The following ADAMTSL3 variants were observed in gnomAD, a reference collection of about 807,000 sequenced individuals.
ADAMTSL3 encodes the protein ADAMTS like 3.
ADAMTSL3 carries 128 observed loss-of-function variants against 201.7 expected under a neutral mutation model. That is an observed-to-expected ratio of 0.63 (90% CI 0.55 to 0.73). The LOEUF is 0.73. Among genes scored for constraint, ADAMTSL3 ranks in the 30% least tolerant of loss-of-function variants. ADAMTSL3 has a pLI of 0.00. For synonymous variants in ADAMTSL3, 738 were observed against 748.4 expected (o/e 0.99, Z 0.23); for missense variants, 1,990 against 2,119.6 (o/e 0.94, Z 1.20).
intron 16 of ADAMTSL3, among the ~76,000 whole-genome samples, chr15:83,914,613 C>A (rs1044785356): frequency 1.3e-5 from 2 of 152,180 alleles, no homozygotes; most frequent in African/African-American, 4.8e-5. Context: ...GACTCTTTCT[C>A]CCCTTACTTG....
rs1326250173 is a variant in ADAMTSL3, at chr15:83,982,617, G to A, written c.2989G>A (p.Gly997Ser). 1 of 1,614,170 alleles carries A rather than the reference G, an allele frequency of 6.2e-7. No individual in the cohort carries two copies. Among genetic ancestry groups the A allele is most frequent in the African/African-American group, 1.3e-5 (1 of 75,042 alleles). ...GGAAACAGTTGTGCTCAAGCTCATT[G>A]GTACTGACAACCGGCTCATCGCACG... ...AQETVVLKLI[G>S]TDNRLIARPA... The change falls in exon 21 of 30, where the codon GGT (glycine) becomes AGT (serine). Residue 997 changes from glycine to serine, a missense_variant. Physicochemically the swap from Gly to Ser is moderately conservative, Grantham distance 56. Coordinates refer to ENST00000286744, the MANE Select transcript of ADAMTSL3 (RefSeq NM_207517.3).
At chr15:83,719,410 T>C (rs1311306182) in intron 3 of ADAMTSL3, among the ~76,000 whole-genome samples, 2 of 152,186 alleles carry the variant, frequency 1.3e-5, no homozygotes, top group Non-Finnish European at 2.9e-5. Flanking sequence ...ATTTGGATCT[T>C]TATGTAAATG....
intron 17 of ADAMTSL3, among the ~76,000 whole-genome samples, chr15:83,932,566 A>C (rs2066380246): frequency 6.6e-6 from 1 of 152,230 alleles, no homozygotes; most frequent in South Asian, 2.1e-4. Context: ...GATTGCAAGG[A>C]GAACTATCTG....
At chr15:83,774,957 C>A (rs989740230) in intron 4 of ADAMTSL3, among the ~76,000 whole-genome samples, 1 of 151,618 alleles carries the variant, frequency 6.6e-6, no homozygotes, top group African/African-American at 2.4e-5. Flanking sequence ...CACAATTCTT[C>A]TGCCTCAGCC....
chr15:84,023,484 T>C (rs10163186), intron 26 of ADAMTSL3, among the ~76,000 whole-genome samples: 126,624 of 152,062 alleles, frequency 0.83, 53,074 homozygotes, highest in East Asian at 0.96. Context: ...CTTAGGAGGG[T>C]TATCAATATT....
At chr15:83,677,124 G>T (rs1457784744) in intron 2 of ADAMTSL3, among the ~76,000 whole-genome samples, 1 of 152,122 alleles carries the variant, frequency 6.6e-6, no homozygotes, top group South Asian at 2.1e-4. Flanking sequence ...ATTCCATTGT[G>T]GTCAAATAAT....
chr15:84,030,477 A>C (rs1389502366), intron 27 of ADAMTSL3, among the ~76,000 whole-genome samples: 1 of 152,140 alleles, frequency 6.6e-6, no homozygotes, highest in Non-Finnish European at 1.5e-5. Context: ...TAGTCCCATT[A>C]TTTTGGCCAA....
At chr15:83,671,320 G>T (rs545809306) in intron 2 of ADAMTSL3, among the ~76,000 whole-genome samples, 2 of 151,996 alleles carry the variant, frequency 1.3e-5, no homozygotes, top group Admixed American at 1.3e-4. Context: ...CTTCTTTGAC[G>T]TCCTCTTTAC....
intron 25 of ADAMTSL3, among the ~76,000 whole-genome samples, chr15:84,019,287 A>C (rs2068150891): frequency 6.6e-6 from 1 of 152,206 alleles, no homozygotes; most frequent in Non-Finnish European, 1.5e-5. Context: ...TGAAACGCTC[A>C]TGCATTGCTT....
intron 4 of ADAMTSL3, among the ~76,000 whole-genome samples, chr15:83,781,701 G>T (rs1383729984): frequency 6.6e-6 from 1 of 151,376 alleles, no homozygotes; most frequent in Non-Finnish European, 1.5e-5. Flanking sequence ...TGCAAACTAT[G>T]TATCTGACAA....
intron 3 of ADAMTSL3, among the ~76,000 whole-genome samples, chr15:83,752,283 TTTGATAC>T (rs1567120320): frequency 6.6e-6 from 1 of 152,220 alleles, no homozygotes; most frequent in Non-Finnish European, 1.5e-5. Flanking sequence ...TTTCTTTACT[TTTGATAC>T]TTTGCTGTAA....
chr15:83,685,407 T>G (rs1306459607), intron 2 of ADAMTSL3, among the ~76,000 whole-genome samples: 1 of 152,200 alleles, frequency 6.6e-6, no homozygotes, highest in South Asian at 2.1e-4. Flanking sequence ...CCTAGGTGCC[T>G]GGGGCAGTGT....
chr15:83,857,709 T>C (rs1048760657), intron 7 of ADAMTSL3, among the ~76,000 whole-genome samples: 2 of 152,240 alleles, frequency 1.3e-5, no homozygotes, highest in African/African-American at 4.8e-5. Context: ...TAATTTTTAA[T>C]AATAAACAGG....
Position 84,038,709 on chromosome 15 carries a change from C to A in ADAMTSL3, c.*903C>A, listed in dbSNP as rs553016008. 6.6e-6 allele frequency: 1 copy of A among 152,346 alleles called. No individual in the cohort carries two copies. Among genetic ancestry groups the A allele is most frequent in the Admixed American group, 6.6e-5 (1 of 15,256 alleles). 9.4% of individuals were successfully genotyped at this position (152,346 alleles called of 1,614,324 possible). A position where few individuals can be genotyped will look rare whatever the true frequency, so the allele number is the denominator to read the frequency against. On this transcript the variant is annotated 3_prime_UTR_variant, in exon 30 of 30. Transcript: ENST00000286744. ...AAGAAAGTAATCCAAATAAGAAACA[C>A]GATAGTTGAAAATAATTTTTATAGT...
intron 19 of ADAMTSL3, among the ~76,000 whole-genome samples, chr15:83,958,655 A>T (rs909147951): frequency 2.0e-5 from 3 of 152,242 alleles, no homozygotes; most frequent in African/African-American, 7.2e-5. Flanking sequence ...GCATACCAAC[A>T]TAATGAAAAT....
At chr15:83,816,591 G>A (rs2063775587) in intron 5 of ADAMTSL3, among the ~76,000 whole-genome samples, 1 of 152,214 alleles carries the variant, frequency 6.6e-6, no homozygotes, top group Non-Finnish European at 1.5e-5. Flanking sequence ...CCTTTGGTTG[G>A]TTTCAAAGAG....
rs1596540133 is a variant in ADAMTSL3, at chr15:84,016,573, A to G, written c.4273+74A>G. 7.1e-6 allele frequency: 9 copies of G among 1,264,264 alleles called. No individual in the cohort carries two copies. The East Asian group carries it at 9.4e-5, about 13-fold the overall frequency. The allele number at this position is 1,264,264 out of a possible 1,614,324, so 78.3% of individuals were successfully genotyped here. A position where few individuals can be genotyped will look rare whatever the true frequency, so the allele number is the denominator to read the frequency against. ...AGGAAAAGGATTTAGCTAAAAGACC[A>G]TCTGTATTTTTCACTTTGCAATATG... is the stretch of plus-strand genomic sequence containing the variant. On this transcript the variant is annotated intron_variant, in intron 25 of 29. Transcript: ENST00000286744.
At chr15:83,828,733 T>C (rs1335557956) in intron 6 of ADAMTSL3, among the ~76,000 whole-genome samples, 2 of 152,208 alleles carry the variant, frequency 1.3e-5, no homozygotes, top group Non-Finnish European at 2.9e-5. Flanking sequence ...GTTTTTAGCA[T>C]GAAGGTTGTT....
At chr15:83,963,056 C>G (rs962937550) in intron 19 of ADAMTSL3, among the ~76,000 whole-genome samples, 1 of 152,202 alleles carries the variant, frequency 6.6e-6, no homozygotes, top group Non-Finnish European at 1.5e-5. Flanking sequence ...CCTACACCAC[C>G]AGGGCCCATG....
Sources: gnomAD v4.1 joint callset for allele counts (sites outside exome capture counted in the v4.1 genomes callset) on GRCh38, gnomAD v4.1.1 for gene constraint, MANE v1.5 for transcripts, NCBI Gene and HGNC (gene_info 2026-07-23, HGNC 2026-07-21) for gene names.